Variants in RYR3 observed in about 807,000 individuals in gnomAD.
RYR3 encodes brain ryanodine receptor-calcium release channel.
A neutral mutation model predicts 584.3 loss-of-function variants in RYR3; 207 were observed. That is an observed-to-expected ratio of 0.35 (90% CI 0.32 to 0.40). The LOEUF (loss-of-function observed/expected upper bound fraction) is 0.40, where lower values mean the gene tolerates loss of function less well. Among genes scored for constraint, RYR3 ranks in the 10% least tolerant of loss-of-function variants. The pLI is 1.00. For synonymous variants in RYR3, 2,416 were observed against 2,248.5 expected (o/e 1.07, Z -2.11); for missense variants, 5,616 against 6,089.2 (o/e 0.92, Z 2.59).
At chr15:33,570,837 TATA>T (rs951613862) in intron 12 of RYR3, among the ~76,000 whole-genome samples, 18 of 19,976 alleles carry the variant, frequency 9.0e-4, no homozygotes, top group African/African-American at 1.8e-3. Context: ...CTACTACAAA[TATA>T]ATTATTTTTT....
In RYR3 at chr15:33,821,387, T is replaced by A; in HGVS notation, c.10915+18T>A. On this transcript the variant is annotated intron_variant, in intron 79 of 103. Transcript: ENST00000634891. ...TAGCAAAGGTGATTTCCCTAGTTTC[T>A]GGATGGGCTTATGTAACTTCCACAA... 3 of 1,593,928 alleles carry A rather than the reference T, an allele frequency of 1.9e-6. No homozygotes were observed. Among genetic ancestry groups the A allele is most frequent in the Non-Finnish European group, 2.6e-6 (3 of 1,169,184 alleles).
chr15:33,325,222 G>T (rs1222318563), intron 1 of RYR3, among the ~76,000 whole-genome samples: 65 of 152,070 alleles, frequency 4.3e-4, no homozygotes, highest in Admixed American at 4.3e-3. Flanking sequence ...CCTATAGTCT[G>T]TACCAGATAC....
chr15:33,596,842 A>T (rs2059401942), intron 16 of RYR3, among the ~76,000 whole-genome samples: 1 of 151,908 alleles, frequency 6.6e-6, no homozygotes, highest in South Asian at 2.1e-4. Context: ...GTATCATTAA[A>T]CAAATCTGTC....
chr15:33,658,544 G>T (rs914312024), intron 32 of RYR3, among the ~76,000 whole-genome samples: 2 of 152,214 alleles, frequency 1.3e-5, no homozygotes, highest in Non-Finnish European at 2.9e-5. Context: ...TCACCTTAGG[G>T]TATGTCCAGC....
chr15:33,834,618 C>T (rs1316314082), intron 86 of RYR3, among the ~76,000 whole-genome samples: 2 of 152,074 alleles, frequency 1.3e-5, no homozygotes, highest in Non-Finnish European at 2.9e-5. Context: ...CCTCTGAGGC[C>T]AAGGTGAGGG....
chr15:33,688,945 A>G (rs932511777), intron 38 of RYR3, among the ~76,000 whole-genome samples: 1 of 152,156 alleles, frequency 6.6e-6, no homozygotes, highest in Non-Finnish European at 1.5e-5. Flanking sequence ...TTGCAGCACT[A>G]TTCACAATAG....
At chr15:33,738,720 G>A (rs551899160) in intron 50 of RYR3, 130 bp downstream of exon 50, 11 of 926,302 alleles carry the variant, frequency 1.2e-5, no homozygotes, top group African/African-American at 8.2e-5. Flanking sequence ...AGCATATTAC[G>A]CCAATCCTTG....
Position 33,853,103 on chromosome 15 carries a change from G to A in RYR3, c.13671+16G>A. ...AAAGAGAAAGGTATGCCTTGTTAGT[G>A]GGGGTGAGTTCCGTGATCACCAAAA... is the stretch of plus-strand genomic sequence containing the variant. On this transcript the variant is annotated intron_variant, in intron 95 of 103. Transcript: ENST00000634891. 1 of 1,579,502 alleles carries A rather than the reference G, an allele frequency of 6.3e-7. No homozygotes were observed. The highest frequency in any genetic ancestry group is 8.6e-7 in the Non-Finnish European group (1 of 1,164,562).
intron 1 of RYR3, among the ~76,000 whole-genome samples, chr15:33,364,529 G>T (rs1388103949): frequency 6.6e-6 from 1 of 152,134 alleles, no homozygotes; most frequent in African/African-American, 2.4e-5. Context: ...AAGGCAGGGA[G>T]AAATACAAGA....
chr15:33,650,583 C>CACTCAGTA (rs1350934474), intron 31 of RYR3, among the ~76,000 whole-genome samples: 3 of 152,132 alleles, frequency 2.0e-5, no homozygotes, highest in African/African-American at 7.2e-5. Context: ...TCAACTCAGG[C>CACTCAGTA]ACTCAGTAAA....
chr15:33,689,416 T>TATATCCATGGG (rs2065263121), intron 38 of RYR3, among the ~76,000 whole-genome samples: 1 of 152,120 alleles, frequency 6.6e-6, no homozygotes, highest in South Asian at 2.1e-4. Context: ...GGATACTATA[T>TATATCCATGGG]ATATATGTAC....
At chr15:33,540,718 G>A (rs1311355670) in intron 6 of RYR3, 73 bp from the exon 7 acceptor site, 5 of 893,854 alleles carry the variant, frequency 5.6e-6, no homozygotes, top group Non-Finnish European at 9.4e-6. Flanking sequence ...AATCCTTGAA[G>A]TTCTAGGTGA....
At chr15:33,575,304 C>T (rs769583126) in intron 12 of RYR3, among the ~76,000 whole-genome samples, 30 of 152,152 alleles carry the variant, frequency 2.0e-4, no homozygotes, top group Non-Finnish European at 3.8e-4. Flanking sequence ...ACTCTCCACG[C>T]AAAAACAACA....
chr15:33,587,893 C>G (rs943362390), intron 16 of RYR3, among the ~76,000 whole-genome samples: 10 of 152,208 alleles, frequency 6.6e-5, no homozygotes, highest in Non-Finnish European at 1.5e-5. Flanking sequence ...CATTGCAACA[C>G]TTCATCTTTG....
intron 39 of RYR3, among the ~76,000 whole-genome samples, chr15:33,696,852 C>T (rs1157151774): frequency 6.6e-6 from 1 of 152,216 alleles, no homozygotes; most frequent in African/African-American, 2.4e-5. Flanking sequence ...AAACTTCCCT[C>T]TGAAAAATTG....
intron 63 of RYR3, 55 bp downstream of exon 63, chr15:33,772,213 G>T: frequency 1.8e-6 from 2 of 1,133,426 alleles, no homozygotes; most frequent in Non-Finnish European, 2.6e-6. Flanking sequence ...CCAGATAGGA[G>T]GTGCAGGGCC....
At chr15:33,500,648 TGA>T (rs1567381759) in intron 2 of RYR3, among the ~76,000 whole-genome samples, 2 of 152,142 alleles carry the variant, frequency 1.3e-5, no homozygotes, top group Admixed American at 1.3e-4. Flanking sequence ...CTCTCCATGC[TGA>T]GAGTCATCAA....
At chr15:33,523,275 C>A in intron 3 of RYR3, among the ~76,000 whole-genome samples, 1 of 152,274 alleles carries the variant, frequency 6.6e-6, no homozygotes, top group Non-Finnish European at 1.5e-5. Context: ...CTGCTGGTGT[C>A]CCCTTCCACG....
At chr15:33,543,444 T>G (rs1167898723) in intron 7 of RYR3, among the ~76,000 whole-genome samples, 178 bp from the exon 8 acceptor site, 1 of 152,200 alleles carries the variant, frequency 6.6e-6, no homozygotes, top group African/African-American at 2.4e-5. Context: ...AGAATTGTTT[T>G]GACTTTCCTG....
Sources: gnomAD v4.1 joint callset for allele counts (sites outside exome capture counted in the v4.1 genomes callset) on GRCh38, gnomAD v4.1.1 for gene constraint, MANE v1.5 for transcripts, NCBI Gene and HGNC (gene_info 2026-07-23, HGNC 2026-07-21) for gene names.